The following NFILZ variants were observed in gnomAD, a reference collection of about 807,000 sequenced individuals.
NFILZ encodes NFIL3 like protein.
intron 3 of NFILZ, among the ~76,000 whole-genome samples, chr19:8,641,331 C>T (rs782104067): frequency 6.6e-6 from 1 of 151,988 alleles, no homozygotes; most frequent in Admixed American, 6.6e-5. Flanking sequence ...AGATCACAGG[C>T]GTGAGCCATC....
Position 8,633,786 on chromosome 19 carries a change from C to T in NFILZ, c.-261+1161C>T, listed in dbSNP as rs1441357813. Among the ~76,000 whole-genome samples, 6 of 152,004 alleles carry T rather than the reference C, an allele frequency of 3.9e-5. No homozygotes were observed. In the East Asian group the frequency reaches 9.7e-4, roughly 25 times the overall value. On this transcript the variant is annotated intron_variant, in intron 2 of 5. Coordinates refer to ENST00000691075, the MANE Select transcript of NFILZ (RefSeq NM_001378600.1). ...GTCCTGGGGAGGGAGAGACAGATGT[C>T]GAGGCTGGACAGGAGGTTGTGGAAG...
chr19:8,655,093 C>T (rs1338560285), intron 3 of NFILZ, among the ~76,000 whole-genome samples: 1 of 152,178 alleles, frequency 6.6e-6, no homozygotes, highest in African/African-American at 2.4e-5. Flanking sequence ...GGGCATACCA[C>T]TTAATTGCTC....
intron 3 of NFILZ, among the ~76,000 whole-genome samples, chr19:8,646,541 A>G (rs2042939930): frequency 1.3e-5 from 2 of 152,142 alleles, no homozygotes; most frequent in Non-Finnish European, 2.9e-5. Flanking sequence ...CAGAGGCTGC[A>G]TAACTGGAGA....
chr19:8,653,038 T>TTCTTTCTTTCTCTCTCCCTCTCTCTC (rs1555747925), intron 3 of NFILZ, among the ~76,000 whole-genome samples: 11 of 90,592 alleles, frequency 1.2e-4, no homozygotes, highest in Admixed American at 2.5e-4. Context: ...CTTTCTTTCT[T>TTCTTTCTTTCTCTCTCCCTCTCTCTC]TCTCTCTCTC....
At chr19:8,653,030 TTCTTTCTTTCTCTCTCTC>T (rs2042974812) in intron 3 of NFILZ, among the ~76,000 whole-genome samples, 10 of 59,646 alleles carry the variant, frequency 1.7e-4, no homozygotes, top group African/African-American at 6.4e-4. Flanking sequence ...CTTTCTTTCT[TTCTTTCTTTCTCTCTCTC>T]TCTCTCTCTC....
At chr19:8,631,505 A>G (rs1555745507) in intron 1 of NFILZ, among the ~76,000 whole-genome samples, 1 of 152,012 alleles carries the variant, frequency 6.6e-6, no homozygotes, top group African/African-American at 2.4e-5. Flanking sequence ...GTCTTCTGGG[A>G]AGGCAGCGGA....
At chr19:8,631,090 G>A (rs1555745477) in intron 1 of NFILZ, among the ~76,000 whole-genome samples, 1 of 152,148 alleles carries the variant, frequency 6.6e-6, no homozygotes, top group Non-Finnish European at 1.5e-5. Flanking sequence ...TAACTCCTTT[G>A]ATATTTTTTC....
In NFILZ at chr19:8,661,414, A is replaced by C. The variant is rs12974811; in HGVS notation, c.-163-13137A>C. Among the ~76,000 whole-genome samples the C allele has an allele frequency of 6.7e-3, 1,011 of 151,912 alleles. 6 individuals carry two copies. Among genetic ancestry groups the C allele is most frequent in the Non-Finnish European group, 0.011 (777 of 67,958 alleles). On this transcript the variant is annotated intron_variant, in intron 3 of 5. Transcript: ENST00000691075. ...ACTTCATCCATCCGTGGTCACTTAA[A>C]TTGCTTCCATATCTGTGCTATTGTG...
intron 3 of NFILZ, among the ~76,000 whole-genome samples, chr19:8,650,111 T>C (rs1265680007): frequency 1.3e-5 from 2 of 148,648 alleles, no homozygotes; most frequent in Non-Finnish European, 3.0e-5. Context: ...CAAGACTCCG[T>C]CTGAAAAAAA....
chr19:8,655,079 C>G (rs1489600576), intron 3 of NFILZ, among the ~76,000 whole-genome samples: 2 of 152,172 alleles, frequency 1.3e-5, no homozygotes, highest in Non-Finnish European at 2.9e-5. Flanking sequence ...CCACTTCTTC[C>G]TGGGGGCATA....
At chr19:8,647,736 A>G (rs1350997506) in intron 3 of NFILZ, among the ~76,000 whole-genome samples, 2 of 146,930 alleles carry the variant, frequency 1.4e-5, no homozygotes, top group Admixed American at 1.3e-4. Context: ...ACATGGACAC[A>G]GGGAGGGGAA....
rs1253095618 is a variant in NFILZ, at chr19:8,679,295, T to TTATTATTAC, written c.*1668_*1669insCTATTATTA. ...ATTATTATTATTATTATTATTATTA[T>TTATTATTAC]TATTATTATTACATCAGGGATCTTG... On this transcript the variant is annotated 3_prime_UTR_variant, in exon 6 of 6. Coordinates refer to ENST00000691075, the MANE Select transcript of NFILZ (RefSeq NM_001378600.1). 6.7e-6 allele frequency among the ~76,000 whole-genome samples: 1 copy of TTATTATTAC among 148,306 alleles called. No homozygotes were observed. Among genetic ancestry groups the TTATTATTAC allele is most frequent in the African/African-American group, 2.5e-5 (1 of 39,500 alleles).
intron 2 of NFILZ, among the ~76,000 whole-genome samples, chr19:8,633,913 TC>T (rs2042882615): frequency 1.4e-5 from 2 of 147,236 alleles, no homozygotes; most frequent in African/African-American, 2.5e-5. Flanking sequence ...CTTCCTTCCT[TC>T]CTTCCTTCCT....
At chr19:8,653,038 T>TTCTCTCTCCCTCTCTCTCTCTCTC (rs2042975354) in intron 3 of NFILZ, among the ~76,000 whole-genome samples, 2 of 90,502 alleles carry the variant, frequency 2.2e-5, no homozygotes, top group Non-Finnish European at 2.2e-5. Context: ...CTTTCTTTCT[T>TTCTCTCTCCCTCTCTCTCTCTCTC]TCTCTCTCTC....
At chr19:8,636,696 A>T (rs1415049678) in intron 3 of NFILZ, among the ~76,000 whole-genome samples, 1 of 151,582 alleles carries the variant, frequency 6.6e-6, no homozygotes, top group African/African-American at 2.4e-5. Flanking sequence ...ACCTCAGGTG[A>T]TCAGCTTGCC....
chr19:8,633,785 T>G (rs1188805366), intron 2 of NFILZ, among the ~76,000 whole-genome samples: 2 of 152,142 alleles, frequency 1.3e-5, no homozygotes, highest in African/African-American at 4.8e-5. Flanking sequence ...GAGACAGATG[T>G]CGAGGCTGGA....
At chr19:8,640,449 G>A (rs1292416943) in intron 3 of NFILZ, among the ~76,000 whole-genome samples, 1 of 151,710 alleles carries the variant, frequency 6.6e-6, no homozygotes, top group Non-Finnish European at 1.5e-5. Flanking sequence ...GACCGGCTTG[G>A]AGTTTACCAG....
chr19:8,656,445 C>CAGCCCACCTTCTCCCT (rs1568421649), intron 3 of NFILZ, among the ~76,000 whole-genome samples: 38 of 18,858 alleles, frequency 2.0e-3, no homozygotes, highest in Middle Eastern at 0.023. Flanking sequence ...ACCTTCTCCT[C>CAGCCCACCTTCTCCCT]GAAGCCCACC....
At chr19:8,637,911 T>A (rs1555746247) in intron 3 of NFILZ, among the ~76,000 whole-genome samples, 3 of 800 alleles carry the variant, frequency 3.7e-3, no homozygotes, top group Non-Finnish European at 0.015. Context: ...AAAGATGGTC[T>A]CAAAAAAAAA....
Sources: allele counts gnomAD v4.1 joint callset (sites outside exome capture counted in the v4.1 genomes callset), GRCh38; gene constraint gnomAD v4.1.1; transcripts MANE v1.5; gene names NCBI Gene and HGNC (gene_info 2026-07-23, HGNC 2026-07-21).